The following NRXN1 variants were observed in gnomAD, a reference collection of about 807,000 sequenced individuals.
NRXN1 encodes neurexin-1.
A neutral mutation model predicts 150.9 loss-of-function variants in NRXN1; 39 were observed. The observed-to-expected ratio is 0.26, with a 90% CI of 0.20 to 0.34. NRXN1 has a LOEUF of 0.34. NRXN1 is among the 10% of genes least tolerant of loss of function. NRXN1 has a pLI of 1.00. For synonymous variants in NRXN1, 924 were observed against 757.0 expected (o/e 1.22, Z -3.62); for missense variants, 1,815 against 1,949.9 (o/e 0.93, Z 1.30).
chr2:50,666,918 T>C (rs1188281162), intron 5 of NRXN1, among the ~76,000 whole-genome samples: 1 of 150,570 alleles, frequency 6.6e-6, no homozygotes, highest in African/African-American at 2.4e-5. Context: ...GTGAAGCTCA[T>C]TTAAAAAACT....
intron 17 of NRXN1, among the ~76,000 whole-genome samples, chr2:50,287,521 T>C (rs1444486610): frequency 6.6e-6 from 1 of 152,132 alleles, no homozygotes; most frequent in East Asian, 1.9e-4. Context: ...TGTCTGAATA[T>C]TAGCAAGTCT....
chr2:50,011,264 G>C (rs2152545381), intron 21 of NRXN1, among the ~76,000 whole-genome samples: 1 of 152,200 alleles, frequency 6.6e-6, no homozygotes, highest in East Asian at 1.9e-4. Flanking sequence ...TTTTAACAAA[G>C]ATATTAAACT....
chr2:50,694,010 C>T (rs1050980409), intron 5 of NRXN1, among the ~76,000 whole-genome samples: 1 of 151,724 alleles, frequency 6.6e-6, no homozygotes, highest in African/African-American at 2.4e-5. Flanking sequence ...CCAGGATGGT[C>T]TCAAACTCCC....
chr2:50,225,482 A>G (rs2064285086), intron 18 of NRXN1, among the ~76,000 whole-genome samples: 1 of 152,020 alleles, frequency 6.6e-6, no homozygotes, highest in African/African-American at 2.4e-5. Flanking sequence ...TAACTACAGT[A>G]AGTAACACAA....
At chr2:50,656,400 G>A (rs770053717) in intron 5 of NRXN1, 2 of 776,690 alleles carry the variant, frequency 2.6e-6, no homozygotes, top group Admixed American at 3.4e-5. Context: ...AAAGTGGTCT[G>A]AAGAAGTCAC....
In NRXN1 at chr2:50,565,324, C is replaced by G. The variant is rs576523021; in HGVS notation, c.1321-12299G>C. Among the ~76,000 whole-genome samples the G allele has an allele frequency of 2.3e-4, 35 of 152,106 alleles. No homozygotes were observed. The East Asian group carries it at 6.6e-3, about 29-fold the overall frequency. On this transcript the variant is annotated intron_variant, in intron 8 of 22. Transcript: ENST00000401669. ...AATAGTCTCATGTAATTTCGCACGT[C>G]TTTTCCTTATGAAGATGTGTTAATA...
chr2:50,139,020 G>A (rs17039979), intron 18 of NRXN1, among the ~76,000 whole-genome samples: 29,589 of 152,150 alleles, frequency 0.19, 3,384 homozygotes, highest in East Asian at 0.37. Context: ...TAGTCACCAG[G>A]GAAGAAATAA....
intron 5 of NRXN1, among the ~76,000 whole-genome samples, chr2:50,692,768 AC>A (rs1692253817): frequency 6.6e-6 from 1 of 151,850 alleles, no homozygotes; most frequent in African/African-American, 2.4e-5. Flanking sequence ...AAGTATTCAC[AC>A]CCCCTCTGAT....
At chr2:50,238,034 T>C (rs941087852) in intron 17 of NRXN1, among the ~76,000 whole-genome samples, 1 of 152,052 alleles carries the variant, frequency 6.6e-6, no homozygotes, top group African/African-American at 2.4e-5. Context: ...TGACTGTAAG[T>C]TTCCTGAGGC....
At chr2:50,652,504 G>A (rs1476079352) in intron 5 of NRXN1, among the ~76,000 whole-genome samples, 1 of 151,958 alleles carries the variant, frequency 6.6e-6, no homozygotes, top group Non-Finnish European at 1.5e-5. Flanking sequence ...TTAGCATAAC[G>A]TTTCTGAGGC....
intron 18 of NRXN1, among the ~76,000 whole-genome samples, chr2:50,153,514 G>C (rs2058822561): frequency 1.3e-5 from 2 of 151,348 alleles, no homozygotes; most frequent in African/African-American, 2.4e-5. Flanking sequence ...TTGTTCTTTT[G>C]GGTTCTTCTG....
chr2:51,017,858 G>C (rs954346501), intron 2 of NRXN1, among the ~76,000 whole-genome samples: 6 of 152,030 alleles, frequency 3.9e-5, no homozygotes, highest in Admixed American at 3.3e-4. Context: ...CAAAGTTAAA[G>C]AGCTTAAGCT....
chr2:50,132,678 T>C (rs1213546219), intron 18 of NRXN1, among the ~76,000 whole-genome samples: 1 of 152,196 alleles, frequency 6.6e-6, no homozygotes, highest in East Asian at 1.9e-4. Context: ...CTTGGCCATG[T>C]ATTGCTTCAG....
At chr2:50,553,157 C>T in intron 8 of NRXN1, 132 bp from the exon 9 acceptor site, 1 of 658,252 alleles carries the variant, frequency 1.5e-6, no homozygotes, top group Non-Finnish European at 2.6e-6. Context: ...TGTATAAAGG[C>T]AACATTTCTC....
intron 8 of NRXN1, among the ~76,000 whole-genome samples, chr2:50,583,447 G>A (rs945794293): frequency 6.6e-6 from 1 of 152,122 alleles, no homozygotes; most frequent in East Asian, 1.9e-4. Context: ...ACAGCACCAA[G>A]GGTGTACTCC....
At chr2:50,493,301 A>G (rs1340034176) in intron 15 of NRXN1, among the ~76,000 whole-genome samples, 1 of 152,124 alleles carries the variant, frequency 6.6e-6, no homozygotes, top group Non-Finnish European at 1.5e-5. Context: ...CCAGGTGGAA[A>G]AAAGAAAAAA....
At chr2:50,107,396 C>G (rs2152719755) in intron 18 of NRXN1, among the ~76,000 whole-genome samples, 1 of 151,370 alleles carries the variant, frequency 6.6e-6, no homozygotes, top group East Asian at 1.9e-4. Flanking sequence ...TTGCACTACC[C>G]ATCTTTTAAA....
intron 17 of NRXN1, among the ~76,000 whole-genome samples, chr2:50,290,616 A>G (rs933882539): frequency 6.6e-6 from 1 of 152,162 alleles, no homozygotes; most frequent in African/African-American, 2.4e-5. Flanking sequence ...CAAGCTCTCC[A>G]TGAAGGAGGC....
chr2:50,577,521 A>T, intron 8 of NRXN1, among the ~76,000 whole-genome samples: 1 of 152,076 alleles, frequency 6.6e-6, no homozygotes, highest in Non-Finnish European at 1.5e-5. Flanking sequence ...TCTTTGTTTC[A>T]CTTATGTGTT....
Sources: allele counts gnomAD v4.1 joint callset (sites outside exome capture counted in the v4.1 genomes callset), GRCh38; gene constraint gnomAD v4.1.1; transcripts MANE v1.5; gene names NCBI Gene and HGNC (gene_info 2026-07-23, HGNC 2026-07-21).